Variants in INPP4B observed in about 807,000 individuals in gnomAD.
The protein encoded by INPP4B is inositol polyphosphate-4-phosphatase type II B, also known as inositol polyphosphate 4-phosphatase type II.
INPP4B carries 55 observed loss-of-function variants against 122.5 expected under a neutral mutation model. That is an observed-to-expected ratio of 0.45 (90% CI 0.36 to 0.56). The LOEUF (loss-of-function observed/expected upper bound fraction) is 0.56, where lower values mean the gene tolerates loss of function less well. Among genes scored for constraint, INPP4B ranks in the 20% least tolerant of loss-of-function variants. The pLI is 0.00. For synonymous variants in INPP4B, 403 were observed against 388.7 expected, an observed-to-expected ratio of 1.04 and a Z score of -0.43; for missense variants, 1,000 against 1,097.7, an observed-to-expected ratio of 0.91 and a Z score of 1.26.
intron 2 of INPP4B, among the ~76,000 whole-genome samples, chr4:142,700,055 C>A (rs1761521187): frequency 6.6e-6 from 1 of 152,096 alleles, no homozygotes; most frequent in South Asian, 2.1e-4. Flanking sequence ...CTCTCTCTCC[C>A]TGTATAGTAA....
At chr4:142,194,243 G>A (rs536004711) in intron 14 of INPP4B, among the ~76,000 whole-genome samples, 8 of 152,134 alleles carry the variant, frequency 5.3e-5, no homozygotes, top group South Asian at 2.1e-4. Context: ...AAACCAACCC[G>A]TCAATAAGGC....
At chr4:142,077,898 G>A (rs1445437271) in intron 25 of INPP4B, among the ~76,000 whole-genome samples, 1 of 151,788 alleles carries the variant, frequency 6.6e-6, no homozygotes, top group Non-Finnish European at 1.5e-5. Context: ...TTAGTCAAGT[G>A]GTTCTCAATC....
intron 24 of INPP4B, among the ~76,000 whole-genome samples, chr4:142,082,796 A>C (rs1470725291): frequency 2.0e-5 from 3 of 152,150 alleles, no homozygotes; most frequent in Admixed American, 2.0e-4. Context: ...CTAGGGTACA[A>C]CACTAAGAAA....
chr4:142,035,706 TATACC>T (rs1280213370), intron 25 of INPP4B, among the ~76,000 whole-genome samples: 1 of 152,206 alleles, frequency 6.6e-6, no homozygotes, highest in African/African-American at 2.4e-5. Flanking sequence ...CAATTTGAAT[TATACC>T]AAATCAATCA....
chr4:142,224,221 T>C (rs1307869135), intron 12 of INPP4B, among the ~76,000 whole-genome samples: 1 of 152,168 alleles, frequency 6.6e-6, no homozygotes. Flanking sequence ...ATACATAAGT[T>C]AAATCTTAGA....
chr4:142,346,910 C>A (rs1780480933), intron 7 of INPP4B, among the ~76,000 whole-genome samples: 1 of 151,954 alleles, frequency 6.6e-6, no homozygotes, highest in African/African-American at 2.4e-5. Flanking sequence ...TATTATTGAC[C>A]CAGTTCAATT....
At chr4:142,519,431 G>T (rs1333998060) in intron 2 of INPP4B, among the ~76,000 whole-genome samples, 1 of 152,092 alleles carries the variant, frequency 6.6e-6, no homozygotes, top group African/African-American at 2.4e-5. Flanking sequence ...TACCCAGGTG[G>T]TTATAAGCAT....
At chr4:142,115,963 G>A (rs1021920466) in intron 21 of INPP4B, among the ~76,000 whole-genome samples, 1 of 152,064 alleles carries the variant, frequency 6.6e-6, no homozygotes, top group Non-Finnish European at 1.5e-5. Context: ...AGGGATGGAG[G>A]AAGATCTACC....
In INPP4B at chr4:142,028,275, A is replaced by C. The variant is rs1043840845; in HGVS notation, c.*507T>G. ...AACTGCCTCAGTATTCCAGATCATG[A>C]GTTAACTCTACCTAATTGAGTGGCT... On this transcript the variant is annotated 3_prime_UTR_variant, in exon 26 of 26. Transcript: ENST00000262992. 9 of 227,084 alleles carry C rather than the reference A, an allele frequency of 4.0e-5. No homozygotes were observed. The highest frequency in any genetic ancestry group is 2.8e-4 in the Admixed American group (5 of 17,796). The allele number at this position is 227,084 out of a possible 1,614,324, so 14.1% of individuals were successfully genotyped here. A position where few individuals can be genotyped will look rare whatever the true frequency, so the allele number is the denominator to read the frequency against.
intron 17 of INPP4B, among the ~76,000 whole-genome samples, chr4:142,153,948 AC>A (rs989964384): frequency 6.6e-6 from 1 of 152,116 alleles, no homozygotes; most frequent in African/African-American, 2.4e-5. Context: ...TTGCTTAATC[AC>A]CCTTTGTGGA....
intron 25 of INPP4B, among the ~76,000 whole-genome samples, chr4:142,060,709 T>A (rs1329519932): frequency 6.6e-6 from 1 of 152,176 alleles, no homozygotes; most frequent in African/African-American, 2.4e-5. Flanking sequence ...AATTCACAGA[T>A]AACACCCTGC....
intron 23 of INPP4B, among the ~76,000 whole-genome samples, chr4:142,102,954 G>A (rs561449590): frequency 4.6e-5 from 7 of 152,120 alleles, no homozygotes; most frequent in South Asian, 2.1e-4. Flanking sequence ...ATTCTATTGC[G>A]TTCAGCTTAT....
At chr4:142,309,326 G>A (rs528508714) in intron 8 of INPP4B, among the ~76,000 whole-genome samples, 2 of 151,778 alleles carry the variant, frequency 1.3e-5, no homozygotes, top group African/African-American at 4.8e-5. Flanking sequence ...AGATTTGGGG[G>A]AAATATAACT....
At chr4:142,490,435 CT>C (rs1821736196) in intron 2 of INPP4B, among the ~76,000 whole-genome samples, 1 of 151,978 alleles carries the variant, frequency 6.6e-6, no homozygotes. Context: ...TTCTTTCTAA[CT>C]GACACATAAA....
intron 2 of INPP4B, among the ~76,000 whole-genome samples, chr4:142,541,932 C>T (rs1252915219): frequency 6.6e-6 from 1 of 152,202 alleles, no homozygotes; most frequent in Admixed American, 6.5e-5. Context: ...CCACCACCCA[C>T]TAGCTTCTCC....
chr4:142,615,500 G>C (rs1743501639), intron 2 of INPP4B, among the ~76,000 whole-genome samples: 1 of 152,164 alleles, frequency 6.6e-6, no homozygotes, highest in African/African-American at 2.4e-5. Flanking sequence ...AATAAACTAG[G>C]TCAGAGTGAC....
At chr4:142,730,679 GC>G (rs2150878232) in intron 1 of INPP4B, among the ~76,000 whole-genome samples, 1 of 152,208 alleles carries the variant, frequency 6.6e-6, no homozygotes, top group African/African-American at 2.4e-5. Flanking sequence ...AACTTATATT[GC>G]CTTCTTGAGT....
At chr4:142,526,519 G>A (rs1046217213) in intron 2 of INPP4B, among the ~76,000 whole-genome samples, 5 of 152,170 alleles carry the variant, frequency 3.3e-5, no homozygotes, top group Admixed American at 1.3e-4. Context: ...CAGTTGAGCC[G>A]TGGCTACAGG....
intron 1 of INPP4B, among the ~76,000 whole-genome samples, chr4:142,748,126 A>G (rs1769072836): frequency 6.6e-6 from 1 of 152,120 alleles, no homozygotes; most frequent in African/African-American, 2.4e-5. Context: ...AAGCCCAAAT[A>G]ATTAGAAATT....
Sources: allele counts gnomAD v4.1 joint callset (sites outside exome capture counted in the v4.1 genomes callset), GRCh38; gene constraint gnomAD v4.1.1; transcripts MANE v1.5; gene names NCBI Gene and HGNC (gene_info 2026-07-23, HGNC 2026-07-21).